The following PRDX3 variants were observed in gnomAD, a reference collection of about 807,000 sequenced individuals.
PRDX3 encodes the protein thioredoxin-dependent peroxide reductase, mitochondrial.
In PRDX3, 20 loss-of-function variants were observed where a neutral mutation model predicts 30.4. That is an observed-to-expected ratio of 0.66 (90% confidence interval 0.46 to 0.96). The LOEUF (loss-of-function observed/expected upper bound fraction) is 0.96. PRDX3 is among the 40% of genes least tolerant of loss of function. The pLI, the probability that PRDX3 is intolerant of heterozygous loss-of-function variation, is 0.00. For missense variants in PRDX3, 322 were observed against 318.3 expected (o/e 1.01, Z -0.09); for synonymous variants, 124 against 117.8 (o/e 1.05, Z -0.34).
intron 4 of PRDX3, 28 bp from the exon 5 acceptor site, chr10:119,172,513 G>C: frequency 6.4e-7 from 1 of 1,567,880 alleles, no homozygotes; most frequent in Non-Finnish European, 8.8e-7. Flanking sequence ...ATGACTGTTA[G>C]AATGTGTGGC....
intron 4 of PRDX3, among the ~76,000 whole-genome samples, chr10:119,173,105 A>AT (rs942451511): frequency 3.4e-4 from 52 of 151,656 alleles, no homozygotes; most frequent in Middle Eastern, 3.4e-3. Flanking sequence ...CACTTGGCTA[A>AT]TTTTTTTTAT....
intron 5 of PRDX3, among the ~76,000 whole-genome samples, chr10:119,171,191 C>A (rs1448533928): frequency 6.6e-6 from 1 of 152,090 alleles, no homozygotes; most frequent in Non-Finnish European, 1.5e-5. Flanking sequence ...CAGGCGCCCA[C>A]CACCACGCCC....
intron 5 of PRDX3, among the ~76,000 whole-genome samples, chr10:119,171,798 TA>T (rs1002133269): frequency 3.9e-5 from 6 of 151,964 alleles, no homozygotes; most frequent in Non-Finnish European, 5.9e-5. Flanking sequence ...GTAGCTGAGT[TA>T]AAAAAAAGAA....
intron 1 of PRDX3, among the ~76,000 whole-genome samples, chr10:119,177,455 C>T (rs924740354): frequency 6.6e-6 from 1 of 151,956 alleles, no homozygotes; most frequent in Non-Finnish European, 1.5e-5. Context: ...GTCAGGAGTT[C>T]GAGACCAGCC....
chr10:119,173,204 C>T (rs745732990), intron 4 of PRDX3, among the ~76,000 whole-genome samples: 6 of 152,196 alleles, frequency 3.9e-5, no homozygotes, highest in Admixed American at 6.5e-5. Context: ...TCTCAAAGTG[C>T]TGGGATTACA....
intron 3 of PRDX3, 37 bp from the exon 4 acceptor site, chr10:119,173,909 T>C (rs891117189): frequency 1.9e-6 from 3 of 1,579,454 alleles, no homozygotes; most frequent in Non-Finnish European, 1.7e-6. Flanking sequence ...TTAGAGCATT[T>C]AAAAACAAGG....
chr10:119,174,608 C>T lies in PRDX3; in HGVS notation c.170-16G>A. ...CATGAGGAACCTGAAAAAAAACCCACACTCATATGGAGTTCATCATTTGCT... is the reference window on the plus strand; with the variant it reads ...CATGAGGAACCTGAAAAAAAACCCATACTCATATGGAGTTCATCATTTGCT... On this transcript the variant is annotated splice_polypyrimidine_tract_variant and intron_variant, in intron 2 of 6. Coordinates refer to ENST00000298510, the MANE Select transcript of PRDX3 (RefSeq NM_006793.5). The T allele has an allele frequency of 1.3e-6, 2 of 1,576,800 alleles. No individual in the cohort carries two copies. Among genetic ancestry groups the T allele is most frequent in the Non-Finnish European group, 1.7e-6 (2 of 1,167,856 alleles).
Position 119,167,778 on chromosome 10 carries a change from A to G in PRDX3, c.*702T>C, listed in dbSNP as rs1847801577. 1 of 152,150 alleles carries G rather than the reference A, an allele frequency of 6.6e-6. No homozygotes were observed. The highest frequency in any genetic ancestry group is 1.5e-5 in the Non-Finnish European group (1 of 68,040). 9.4% of individuals were successfully genotyped at this position (152,150 alleles called of 1,614,324 possible). A position where few individuals can be genotyped will look rare whatever the true frequency, so the allele number is the denominator to read the frequency against. ...AATGAATACTTCAGCAAAGAAAATA[A>G]TTATAATTTCAAAATGCAATCCCTG... On this transcript the variant is annotated 3_prime_UTR_variant, in exon 7 of 7. Coordinates refer to ENST00000298510, the MANE Select transcript of PRDX3 (RefSeq NM_006793.5).
intron 3 of PRDX3, 70 bp downstream of exon 3, chr10:119,174,381 A>G (rs1847978426): frequency 1.3e-6 from 2 of 1,492,546 alleles, no homozygotes; most frequent in African/African-American, 1.4e-5. Flanking sequence ...GGGATAGACA[A>G]TTCAGTGTGG....
intron 4 of PRDX3, 84 bp from the exon 5 acceptor site, chr10:119,172,569 T>C: frequency 9.0e-7 from 1 of 1,105,282 alleles, no homozygotes; most frequent in Non-Finnish European, 1.4e-6. Flanking sequence ...AGACCAACAG[T>C]AACGGCGATA....
Position 119,173,853 on chromosome 10 carries a change from C to G in PRDX3, c.331G>C (p.Glu111Gln), listed in dbSNP as rs747394292. 1 of 1,609,300 alleles carries G rather than the reference C, an allele frequency of 6.2e-7. No individual in the cohort carries two copies. Among genetic ancestry groups the G allele is most frequent in the South Asian group, 1.1e-5 (1 of 90,724 alleles). ...GCTTTGTCACTAAAAGCAACAATTT[C>G]TGTAGGACACACAAAGGTGCTGGAA... The part of the protein sequence containing the change: ...PLDFTFVCPT[E>Q]IVAFSDKANE... The change falls in exon 4 of 7, where the codon GAA becomes CAA. Residue 111 changes from glutamate to glutamine, a missense_variant. Transcript: ENST00000298510.
chr10:119,174,372 G>A (rs1847978269), intron 3 of PRDX3, 79 bp downstream of exon 3: 1 of 1,458,824 alleles, frequency 6.9e-7, no homozygotes. Flanking sequence ...GGGTATCTAG[G>A]GATAGACAAT....
intron 4 of PRDX3, among the ~76,000 whole-genome samples, chr10:119,173,479 C>A (rs1290542451): frequency 1.3e-5 from 2 of 151,930 alleles, no homozygotes; most frequent in Non-Finnish European, 2.9e-5. Context: ...GGTGGTGACA[C>A]ATGCCTGTAA....
At chr10:119,168,621 TA>T in intron 6 of PRDX3, 88 bp from the exon 7 acceptor site, 1 of 1,549,372 alleles carries the variant, frequency 6.5e-7, no homozygotes, top group Non-Finnish European at 8.7e-7. Context: ...ATTTTTAACC[TA>T]AAGTTCTTTA....
rs202061531 is a variant in PRDX3, at chr10:119,173,759, G to C, written c.425C>G (p.Ala142Gly). Residue 142 changes from alanine to glycine, a missense_variant, in exon 4 of 7, where the codon GCC becomes GGC. Physicochemically the swap from Ala to Gly is moderately conservative, Grantham distance 60. Transcript: ENST00000298510. ...TACCTTTCTTGGTGTATTTATCCAGGCAAGATGGCTAAAGTGGGAATCCAC... is the reference window on the plus strand; with the variant it reads ...TACCTTTCTTGGTGTATTTATCCAGCCAAGATGGCTAAAGTGGGAATCCAC... The part of the protein sequence containing the change: ...VSVDSHFSHL[A>G]WINTPRKNGG... 1.3e-4 allele frequency: 215 copies of C among 1,611,992 alleles called. No homozygotes were observed. The highest frequency in any genetic ancestry group is 2.1e-4 in the Middle Eastern group (1 of 4,688).
intron 2 of PRDX3, among the ~76,000 whole-genome samples, chr10:119,176,259 C>G (rs548332188): frequency 2.6e-5 from 4 of 152,202 alleles, no homozygotes; most frequent in South Asian, 4.1e-4. Flanking sequence ...ACAGGAGGCG[C>G]TGCTGGGGAT....
chr10:119,175,444 G>A (rs1215260148), intron 2 of PRDX3, among the ~76,000 whole-genome samples: 1 of 152,214 alleles, frequency 6.6e-6, no homozygotes, highest in East Asian at 1.9e-4. Context: ...CGCCCAGGCT[G>A]GAGTGCAGTG....
At position 119,168,241 on chromosome 10, in the gene PRDX3, T is replaced by C. The variant is rs1233176621; in HGVS notation, c.*239A>G. ...TTCTATAGAGGCAAATTATGTTCTG[T>C]AGAAACTAGCTAGCCAGCCACCAAG... On this transcript the variant is annotated 3_prime_UTR_variant, in exon 7 of 7. Coordinates refer to ENST00000298510, the MANE Select transcript of PRDX3 (RefSeq NM_006793.5). 1 of 704,132 alleles carries C rather than the reference T, an allele frequency of 1.4e-6. No homozygotes were observed. Among genetic ancestry groups the C allele is most frequent in the African/African-American group, 1.8e-5 (1 of 54,392 alleles). 43.6% of individuals were successfully genotyped at this position (704,132 alleles called of 1,614,324 possible). A position where few individuals can be genotyped will look rare whatever the true frequency, so the allele number is the denominator to read the frequency against.
chr10:119,174,890 C>A, intron 2 of PRDX3: 1 of 255,828 alleles, frequency 3.9e-6, no homozygotes, highest in East Asian at 7.5e-5. Context: ...ATACCTAATA[C>A]GACGTAAATG....
Sources: allele counts gnomAD v4.1 joint callset (sites outside exome capture counted in the v4.1 genomes callset), GRCh38; gene constraint gnomAD v4.1.1; transcripts MANE v1.5; gene names NCBI Gene and HGNC (gene_info 2026-07-23, HGNC 2026-07-21).